TANC1: variants seen among roughly 807,000 people sequenced by gnomAD.
TANC1 encodes the protein protein TANC1.
TANC1 carries 77 observed loss-of-function variants against 149.7 expected under a neutral mutation model. The observed-to-expected ratio is 0.51, with a 90% CI of 0.43 to 0.62. TANC1 has a LOEUF of 0.62. TANC1 is among the 20% of genes least tolerant of loss of function. The pLI, the probability that TANC1 is intolerant of heterozygous loss-of-function variation, is 0.00. For synonymous variants in TANC1, 854 were observed against 925.0 expected (o/e 0.92, Z 1.39); for missense variants, 1,985 against 2,321.8 (o/e 0.85, Z 2.98).
intron 4 of TANC1, among the ~76,000 whole-genome samples, chr2:159,128,078 A>G (rs772130632): frequency 6.6e-6 from 1 of 152,222 alleles, no homozygotes; most frequent in African/African-American, 2.4e-5. Flanking sequence ...TTTCTTCACT[A>G]TCAGCAGGTG....
chr2:159,037,574 G>T (rs1382448153), intron 2 of TANC1, among the ~76,000 whole-genome samples: 2 of 152,136 alleles, frequency 1.3e-5, no homozygotes, highest in Non-Finnish European at 2.9e-5. Flanking sequence ...TCTACATATG[G>T]CTAGCCAGTT....
intron 4 of TANC1, among the ~76,000 whole-genome samples, chr2:159,133,361 C>A (rs202039143): frequency 8.0e-6 from 1 of 125,564 alleles, no homozygotes. Context: ...TTTTTTTTCT[C>A]TTTTTTTGTC....
intron 4 of TANC1, among the ~76,000 whole-genome samples, chr2:159,120,828 T>C (rs1483695752): frequency 6.6e-6 from 1 of 152,156 alleles, no homozygotes; most frequent in African/African-American, 2.4e-5. Context: ...CTTGAACTCC[T>C]GAACTTAAGC....
At chr2:159,056,318 AT>A (rs1200812759) in intron 2 of TANC1, 247 of 156,190 alleles carry the variant, frequency 1.6e-3, no homozygotes, top group Middle Eastern at 6.6e-3. Context: ...TTATTTATTT[AT>A]TTTTTTTTTT....
chr2:159,195,896 GC>G (rs1276498272), intron 17 of TANC1, among the ~76,000 whole-genome samples: 1 of 152,212 alleles, frequency 6.6e-6, no homozygotes, highest in Admixed American at 6.5e-5. Flanking sequence ...GGCATGCAAG[GC>G]TAGGCCCTGG....
At chr2:159,121,652 T>C (rs1422839386) in intron 4 of TANC1, among the ~76,000 whole-genome samples, 11 of 152,184 alleles carry the variant, frequency 7.2e-5, no homozygotes. Flanking sequence ...GCATAATTCA[T>C]TAATTAGGGA....
intron 2 of TANC1, among the ~76,000 whole-genome samples, chr2:159,013,797 G>C (rs989672223): frequency 2.6e-5 from 4 of 152,340 alleles, no homozygotes; most frequent in Non-Finnish European, 5.9e-5. Flanking sequence ...CCAGAAAGTA[G>C]ATGGCTTGAA....
At chr2:159,164,185 G>A (rs2054342521) in intron 8 of TANC1, among the ~76,000 whole-genome samples, 1 of 152,042 alleles carries the variant, frequency 6.6e-6, no homozygotes, top group Non-Finnish European at 1.5e-5. Flanking sequence ...GTCAAGCAAG[G>A]AGAATACAGT....
intron 3 of TANC1, among the ~76,000 whole-genome samples, chr2:159,095,989 T>TTG (rs35067074): frequency 0.089 from 13,568 of 151,886 alleles, 806 homozygotes; most frequent in Admixed American, 0.16. Flanking sequence ...TGGTCTTTGA[T>TTG]TGTGTGTGTG....
chr2:159,193,903 G>A, intron 16 of TANC1, among the ~76,000 whole-genome samples: 1 of 151,902 alleles, frequency 6.6e-6, no homozygotes, highest in Non-Finnish European at 1.5e-5. Flanking sequence ...CTAGAGTGCA[G>A]CAGGCTGTTC....
At chr2:159,229,535 T>G (rs2060222675) in intron 26 of TANC1, 43 bp from the exon 27 acceptor site, 1 of 1,452,864 alleles carries the variant, frequency 6.9e-7, no homozygotes, top group Admixed American at 1.9e-5. Flanking sequence ...TCTGAGCATG[T>G]TCGTGTGTGG....
intron 3 of TANC1, among the ~76,000 whole-genome samples, chr2:159,091,049 C>G (rs2045482050): frequency 6.6e-6 from 1 of 151,578 alleles, no homozygotes; most frequent in African/African-American, 2.4e-5. Context: ...TTTTTTCTTC[C>G]CCTCTGTGGT....
intron 1 of TANC1, among the ~76,000 whole-genome samples, chr2:158,995,616 A>C (rs1476067491): frequency 6.6e-6 from 1 of 152,178 alleles, no homozygotes; most frequent in Non-Finnish European, 1.5e-5. Flanking sequence ...GATAATGAGA[A>C]ACCTTCCAGA....
chr2:159,209,228 A>G (rs2058829592), intron 19 of TANC1, among the ~76,000 whole-genome samples: 1 of 152,172 alleles, frequency 6.6e-6, no homozygotes, highest in South Asian at 2.1e-4. Flanking sequence ...GTGCAAGTAC[A>G]GTTTTCTGGA....
rs113219181 is a variant in TANC1 at position 159,168,202 on chromosome 2, A to G, written c.947-1048A>G. Among the ~76,000 whole-genome samples the G allele has an allele frequency of 7.4e-3, 1,129 of 152,050 alleles. 14 individuals are homozygous for G. Among genetic ancestry groups the G allele is most frequent in the South Asian group, 0.04 (194 of 4,826 alleles). On this transcript the variant is annotated intron_variant, in intron 8 of 26. Coordinates refer to ENST00000263635, the MANE Select transcript of TANC1 (RefSeq NM_033394.3). ...TTTTTAAAAGGCAAAAACGTGTACT[A>G]TGTACTTGCTTCTAAGATTTCTTGA... is the stretch of plus-strand genomic sequence containing the variant.
At chr2:159,106,170 C>A (rs796080198) in intron 4 of TANC1, among the ~76,000 whole-genome samples, 1 of 152,120 alleles carries the variant, frequency 6.6e-6, no homozygotes, top group South Asian at 2.1e-4. Context: ...GTTTACAGTT[C>A]GATGTTCTTT....
intron 2 of TANC1, among the ~76,000 whole-genome samples, chr2:159,051,791 C>T (rs1349315491): frequency 6.6e-6 from 1 of 152,062 alleles, no homozygotes; most frequent in Non-Finnish European, 1.5e-5. Flanking sequence ...GGAAATTTGG[C>T]TGCTGCCACA....
intron 2 of TANC1, among the ~76,000 whole-genome samples, chr2:159,060,494 T>C (rs1268973369): frequency 6.6e-6 from 1 of 152,246 alleles, no homozygotes; most frequent in Non-Finnish European, 1.5e-5. Context: ...TGGATTTAAC[T>C]GAATTTTCTT....
At chr2:159,054,398 A>C (rs1490927706) in intron 2 of TANC1, among the ~76,000 whole-genome samples, 3 of 152,148 alleles carry the variant, frequency 2.0e-5, no homozygotes, top group Non-Finnish European at 4.4e-5. Flanking sequence ...CATTAGAATC[A>C]CCTGGTGGGT....
Sources: allele counts gnomAD v4.1 joint callset (sites outside exome capture counted in the v4.1 genomes callset), GRCh38; gene constraint gnomAD v4.1.1; transcripts MANE v1.5; gene names NCBI Gene and HGNC (gene_info 2026-07-23, HGNC 2026-07-21).